The following COL6A6 variants were observed in gnomAD, a reference collection of about 807,000 sequenced individuals.
COL6A6 encodes collagen type VI alpha 6 chain.
A neutral mutation model predicts 208.6 loss-of-function variants in COL6A6; 183 were observed. That is an observed-to-expected ratio of 0.88 (90% confidence interval 0.78 to 0.99). The LOEUF (loss-of-function observed/expected upper bound fraction) is 0.99. COL6A6 is among the 50% of genes least tolerant of loss of function. The pLI is 0.00. For missense variants in COL6A6, 2,816 were observed against 2,815.2 expected (o/e 1.00, Z -0.01); for synonymous variants, 973 against 1,011.8 (o/e 0.96, Z 0.73).
chr3:130,563,062 T>G lies in COL6A6; in HGVS notation c.65-6T>G. 1 of 1,593,496 alleles carries G rather than the reference T, an allele frequency of 6.3e-7. No homozygotes were observed. Among genetic ancestry groups the G allele is most frequent in the Non-Finnish European group, 8.6e-7 (1 of 1,168,364 alleles). ...TTGGTTCGTTCATATGTTTGTGGTT[T>G]TGCAGGCCCTGAGTATGCAGATGTT... On this transcript the variant is annotated splice_polypyrimidine_tract_variant and splice_region_variant and intron_variant, in intron 2 of 36. Transcript: ENST00000358511.
At chr3:130,546,394 G>A (rs1194453553) in intron 1 of COL6A6, among the ~76,000 whole-genome samples, 8 of 152,188 alleles carry the variant, frequency 5.3e-5, no homozygotes, top group Admixed American at 2.0e-4. Context: ...GATCTTCGAG[G>A]TGAGTGTTTA....
chr3:130,602,905 A>G (rs2064068692), intron 20 of COL6A6, among the ~76,000 whole-genome samples: 1 of 152,178 alleles, frequency 6.6e-6, no homozygotes, highest in African/African-American at 2.4e-5. Context: ...TCATTCTCAT[A>G]ACAGTAAAGT....
chr3:130,563,229 C>G lies in COL6A6; in HGVS notation c.226C>G (p.His76Asp), dbSNP rs867409186. 1.2e-6 allele frequency: 2 copies of G among 1,614,008 alleles called. No individual in the cohort carries two copies. Among genetic ancestry groups the G allele is most frequent in the Admixed American group, 3.3e-5 (2 of 60,022 alleles). The change falls in exon 3 of 37, where the codon CAC becomes GAC. Residue 76 changes from histidine to aspartate, a missense_variant. His to Asp is a moderately conservative substitution (Grantham distance 81). Transcript: ENST00000358511. ...CCTGGCCCAGTACAGTGATAAACTTCACAGTGAATTCCACCTGAGCACCTT... is the reference window on the plus strand; with the variant it reads ...CCTGGCCCAGTACAGTGATAAACTTGACAGTGAATTCCACCTGAGCACCTT... The part of the protein sequence containing the change: ...VALAQYSDKL[H>D]SEFHLSTFKG...
Position 130,567,044 on chromosome 3 carries a change from T to C in COL6A6, c.1625T>C (p.Val542Ala), listed in dbSNP as rs755821962. The C allele has an allele frequency of 2.5e-5, 40 of 1,613,914 alleles. No homozygotes were observed. Among genetic ancestry groups the C allele is most frequent in the African/African-American group, 2.7e-5 (2 of 74,926 alleles). The change falls in exon 5 of 37, where the codon GTT (valine) becomes GCT (alanine). Residue 542 changes from valine (V) to alanine (A), a missense_variant. Coordinates refer to ENST00000358511, the MANE Select transcript of COL6A6 (RefSeq NM_001102608.3). ...QRGNKVPCHL[V>A]VLTNGMSKDS... ...GGAAACAAAGTTCCATGCCACCTTGTTGTCCTGACAAATGGCATGTCCAAG... is the reference window on the plus strand; with the variant it reads ...GGAAACAAAGTTCCATGCCACCTTGCTGTCCTGACAAATGGCATGTCCAAG...
Position 130,665,023 on chromosome 3 carries a change from C to T in COL6A6, c.6523C>T (p.Pro2175Ser). 6.2e-7 allele frequency: 1 copy of T among 1,605,154 alleles called. No homozygotes were observed. The highest frequency in any genetic ancestry group is 8.5e-7 in the Non-Finnish European group (1 of 1,175,194). Residue 2175 changes from proline to serine, a missense_variant, in exon 36 of 37, where the codon CCA becomes TCA. Transcript: ENST00000358511. The part of the protein sequence containing the change: ...SIRRAINKYP[P>S]INLKIKCNRL... ...TCTAGGTGCAATCAACAAATATCCA[C>T]CAATAAACTTAAAAATAAAGTGCAA... is the stretch of plus-strand genomic sequence containing the variant.
rs2062985824 is a variant in COL6A6, at chr3:130,565,172, A to G, written c.840A>G (p.Ile280Met). Residue 280 changes from isoleucine (I) to methionine (M), a missense_variant, in exon 4 of 37, where the codon ATA becomes ATG. Ile to Met is a conservative substitution (Grantham distance 10, BLOSUM62 1). Transcript: ENST00000358511. ...CCTATAGCAATGAGACAAAAGTGAT[A>G]AATTCACTGAGCATGGGCATAAATA... ...LVAYSNETKVINSLSMGINKS... is the reference protein window; with the variant it reads ...LVAYSNETKVMNSLSMGINKS... 2 of 1,613,884 alleles carry G rather than the reference A, an allele frequency of 1.2e-6. No individual in the cohort carries two copies. Among genetic ancestry groups the G allele is most frequent in the Admixed American group, 1.7e-5 (1 of 60,014 alleles).
At position 130,638,179 on chromosome 3, in the gene COL6A6, C is replaced by T. The variant is rs892412889; in HGVS notation, c.5091+2418C>T. Among the ~76,000 whole-genome samples, 6 of 151,632 alleles carry T rather than the reference C, an allele frequency of 4.0e-5. No individual in the cohort carries two copies. The South Asian group carries it at 1.0e-3, about 26-fold the overall frequency. ...TCACCCCCTCACTCACTCCCATTTC[C>T]TTCTCCCCAGAAACAACAGCTGTCA... On this transcript the variant is annotated intron_variant, in intron 28 of 36. Coordinates refer to ENST00000358511, the MANE Select transcript of COL6A6 (RefSeq NM_001102608.3).
chr3:130,626,507 A>G lies in COL6A6; in HGVS notation c.4901A>G (p.Glu1634Gly). The change falls in exon 25 of 37, where the codon GAA becomes GGA. Residue 1634 changes from glutamate (E) to glycine (G), a missense_variant. Glu to Gly is a moderately conservative substitution (Grantham distance 98). Transcript: ENST00000358511. ...CAGGGAGAACCTGGAGATCTGGGAG[A>G]AAAAGGAGCTGTTGGCTTTCCTGGT... is the stretch of plus-strand genomic sequence containing the variant. ...GNKGEPGDLG[E>G]KGAVGFPGPR... The G allele has an allele frequency of 6.2e-7, 1 of 1,612,462 alleles. No individual in the cohort carries two copies. The highest frequency in any genetic ancestry group is 8.5e-7 in the Non-Finnish European group (1 of 1,178,490).
chr3:130,613,863 T>G (rs2064432344), intron 23 of COL6A6, among the ~76,000 whole-genome samples: 1 of 152,226 alleles, frequency 6.6e-6, no homozygotes, highest in African/African-American at 2.4e-5. Flanking sequence ...GTATTTCAAT[T>G]TTGTATCCTA....
chr3:130,603,031 T>C (rs185539695), intron 20 of COL6A6, among the ~76,000 whole-genome samples: 1 of 152,300 alleles, frequency 6.6e-6, no homozygotes, highest in East Asian at 1.9e-4. Context: ...GGTAAGTGAT[T>C]GGAGGATGGC....
In COL6A6 at chr3:130,618,342, G is replaced by A. The variant is rs370066886; in HGVS notation, c.4816-3479G>A. 2.0e-4 allele frequency among the ~76,000 whole-genome samples: 31 copies of A among 152,278 alleles called. 1 individual carries two copies. In the South Asian group the frequency reaches 6.4e-3, roughly 32 times the overall value. ...GGGTTAATAACAGGCATCTCACTGT[G>A]TTGTAAAAATAGAAGACTATTTACC... On this transcript the variant is annotated intron_variant, in intron 23 of 36. Coordinates refer to ENST00000358511, the MANE Select transcript of COL6A6 (RefSeq NM_001102608.3).
chr3:130,531,015 TACACACACACACACACACACACAG>T (rs1224865337), intron 1 of COL6A6, among the ~76,000 whole-genome samples: 13 of 143,852 alleles, frequency 9.0e-5, no homozygotes, highest in East Asian at 6.1e-4. Flanking sequence ...CCCCCTCCTC[TACACACACACACACACACACACAG>T]ACACACACAC....
rs1414090552 is a variant in COL6A6 at position 130,517,398 on chromosome 3, G to A, written c.-32+1G>A. On this transcript the variant is annotated splice_donor_variant, in intron 1 of 36. Transcript: ENST00000358511. LOFTEE classifies it low-confidence loss of function (5UTR_SPLICE). Reference sequence around the variant, plus strand: ...GGGGCTGCATGGAAGTTTCCCCAAGGTAAGTCCAGGAGCCAACGCTGGGAC... The same window carrying A: ...GGGGCTGCATGGAAGTTTCCCCAAGATAAGTCCAGGAGCCAACGCTGGGAC... Among the ~76,000 whole-genome samples, 1 of 152,260 alleles carries A rather than the reference G, an allele frequency of 6.6e-6. No homozygotes were observed. The highest frequency in any genetic ancestry group is 1.9e-4 in the East Asian group (1 of 5,188).
chr3:130,658,613 A>C, intron 33 of COL6A6, 63 bp from the exon 34 acceptor site: 1 of 1,025,286 alleles, frequency 9.8e-7, no homozygotes, highest in Non-Finnish European at 1.5e-6. Flanking sequence ...TTCTCTATGT[A>C]GTCCTAAGAG....
intron 12 of COL6A6, among the ~76,000 whole-genome samples, chr3:130,590,276 TATATATATATATATATATATA>T (rs2063649087): frequency 9.7e-5 from 2 of 20,532 alleles, no homozygotes; most frequent in Non-Finnish European, 2.2e-4. Flanking sequence ...TATATATATA[TATATATATATATATATATATA>T]TATTTTTTTT....
At chr3:130,527,475 T>C (rs528360653) in intron 1 of COL6A6, among the ~76,000 whole-genome samples, 1 of 152,262 alleles carries the variant, frequency 6.6e-6, no homozygotes, top group South Asian at 2.1e-4. Context: ...GCCAAGGGCA[T>C]TTTGAAGAAA....
chr3:130,537,288 A>G (rs1335102906), intron 1 of COL6A6, among the ~76,000 whole-genome samples: 2 of 152,178 alleles, frequency 1.3e-5, no homozygotes, highest in African/African-American at 4.8e-5. Context: ...ACTCAATCTC[A>G]TCTGTAAAGT....
intron 8 of COL6A6, among the ~76,000 whole-genome samples, chr3:130,581,297 A>G (rs756266330): frequency 2.6e-5 from 4 of 152,214 alleles, no homozygotes; most frequent in African/African-American, 4.8e-5. Flanking sequence ...TGACTTTTTC[A>G]ATAGCTAAAA....
intron 1 of COL6A6, among the ~76,000 whole-genome samples, chr3:130,550,510 AAG>A (rs1237111694): frequency 6.6e-6 from 1 of 152,182 alleles, no homozygotes; most frequent in African/African-American, 2.4e-5. Flanking sequence ...TGGGCAGAAA[AAG>A]AGGTTTAATT....
Sources: allele counts gnomAD v4.1 joint callset (sites outside exome capture counted in the v4.1 genomes callset), GRCh38; gene constraint gnomAD v4.1.1; transcripts MANE v1.5; gene names NCBI Gene and HGNC (gene_info 2026-07-23, HGNC 2026-07-21).